Variants in GATAD2A observed in about 807,000 individuals in gnomAD.
GATAD2A encodes transcriptional repressor p66-alpha.
A neutral mutation model predicts 68.5 loss-of-function variants in GATAD2A; 12 were observed. The observed-to-expected ratio is 0.18, with a 90% CI of 0.11 to 0.28. The LOEUF (loss-of-function observed/expected upper bound fraction) is 0.28. Ranked by LOEUF, GATAD2A falls within the 10% of genes least tolerant of loss-of-function variation. GATAD2A has a pLI of 1.00. For synonymous variants in GATAD2A, 410 were observed against 375.3 expected (o/e 1.09, Z -1.07); for missense variants, 755 against 868.5 (o/e 0.87, Z 1.64).
chr19:19,498,850 T>C (rs2060325101), intron 8 of GATAD2A, 128 bp downstream of exon 8: 3 of 761,038 alleles, frequency 3.9e-6, no homozygotes, highest in Non-Finnish European at 6.4e-6. Context: ...CTGGGTGGGC[T>C]TGGCAGGGAC....
intron 1 of GATAD2A, among the ~76,000 whole-genome samples, chr19:19,434,195 G>A (rs947500246): frequency 6.6e-6 from 1 of 152,146 alleles, no homozygotes. Flanking sequence ...CCTGTGTGTA[G>A]AAACACAGCT....
chr19:19,424,561 G>A (rs1328498880), intron 1 of GATAD2A, among the ~76,000 whole-genome samples: 1 of 151,634 alleles, frequency 6.6e-6, no homozygotes, highest in African/African-American at 2.4e-5. Flanking sequence ...TTGTAGAGAT[G>A]GGGGTCTCTC....
chr19:19,404,775 GTATGCGA>G (rs2050039269), upstream of GATAD2A, among the ~76,000 whole-genome samples: 5 of 152,274 alleles, frequency 3.3e-5, no homozygotes, highest in South Asian at 1.0e-3. Flanking sequence ...ATTTATTAGG[GTATGCGA>G]TAAAGCATGT....
At chr19:19,483,924 G>A (rs2059236519) in intron 2 of GATAD2A, among the ~76,000 whole-genome samples, 1 of 151,690 alleles carries the variant, frequency 6.6e-6, no homozygotes, top group African/African-American at 2.4e-5. Context: ...CACCACACCC[G>A]GCCTAGTTCC....
In GATAD2A at chr19:19,442,383, C is replaced by G. The variant is rs150432754; in HGVS notation, c.-6-22957C>G. Among the ~76,000 whole-genome samples the G allele has an allele frequency of 5.3e-5, 8 of 151,784 alleles. No individual in the cohort carries two copies. The South Asian group carries it at 1.7e-3, about 32-fold the overall frequency. On this transcript the variant is annotated intron_variant, in intron 1 of 11. Transcript: ENST00000683918. ...GCTCACACCTGTAATCCCAGCACTT[C>G]GGGAGGCTGAGGCAGGTGGATCATT...
intron 2 of GATAD2A, among the ~76,000 whole-genome samples, chr19:19,488,080 G>A (rs1288868466): frequency 6.6e-6 from 1 of 152,178 alleles, no homozygotes; most frequent in Non-Finnish European, 1.5e-5. Flanking sequence ...CAAGACTTGG[G>A]GGATCTTGCT....
At chr19:19,423,987 A>G (rs1477909135) in intron 1 of GATAD2A, among the ~76,000 whole-genome samples, 3 of 152,130 alleles carry the variant, frequency 2.0e-5, no homozygotes, top group Non-Finnish European at 4.4e-5. Context: ...TAGTTGCATG[A>G]TCATGGGTCA....
At position 19,487,209 on chromosome 19, in the gene GATAD2A, C is replaced by T. The variant is rs1177213231; in HGVS notation, c.270-5097C>T. Among the ~76,000 whole-genome samples the T allele has an allele frequency of 2.0e-5, 3 of 152,324 alleles. No individual in the cohort carries two copies. The East Asian group carries it at 5.8e-4, about 29-fold the overall frequency. ...TGTGGTATCACCCCAGGGCTGGATACCCCCTTGCCCTTTGTTCATCTGGTC... is the reference window on the plus strand; with the variant it reads ...TGTGGTATCACCCCAGGGCTGGATATCCCCTTGCCCTTTGTTCATCTGGTC... On this transcript the variant is annotated intron_variant, in intron 2 of 11. Transcript: ENST00000683918.
intron 1 of GATAD2A, chr19:19,436,022 T>C (rs2147529696): frequency 4.2e-6 from 2 of 474,016 alleles, no homozygotes; most frequent in East Asian, 6.6e-5. Flanking sequence ...TCAGGAAATC[T>C]GAAATTTTGC....
At chr19:19,500,563 C>T (rs575286035) in intron 8 of GATAD2A, among the ~76,000 whole-genome samples, 19 of 152,366 alleles carry the variant, frequency 1.2e-4, no homozygotes, top group Non-Finnish European at 1.5e-4. Context: ...CATTCTGTCC[C>T]CCAGACAAGG....
At chr19:19,462,128 T>C (rs533145337) in intron 1 of GATAD2A, among the ~76,000 whole-genome samples, 1 of 152,342 alleles carries the variant, frequency 6.6e-6, no homozygotes, top group South Asian at 2.1e-4. Flanking sequence ...CCACTGCTCT[T>C]TGCAGGAGTC....
chr19:19,407,375 A>T (rs1451034257), intron 1 of GATAD2A, among the ~76,000 whole-genome samples: 2 of 152,230 alleles, frequency 1.3e-5, no homozygotes, highest in African/African-American at 4.8e-5. Flanking sequence ...ACTGTGTGCT[A>T]AGCTCCCCTG....
intron 2 of GATAD2A, among the ~76,000 whole-genome samples, chr19:19,479,039 A>T (rs567660178): frequency 6.6e-6 from 1 of 152,332 alleles, no homozygotes; most frequent in South Asian, 2.1e-4. Flanking sequence ...TGTAACTAGC[A>T]TGGAGAAGAG....
At chr19:19,502,199 C>T (rs960255827) in intron 10 of GATAD2A, 132 bp from the exon 11 acceptor site, 2 of 883,780 alleles carry the variant, frequency 2.3e-6, no homozygotes, top group African/African-American at 3.3e-5. Context: ...TACCTGGTCT[C>T]CTGATTTTGG....
chr19:19,431,431 C>T (rs551402968), intron 1 of GATAD2A, among the ~76,000 whole-genome samples: 24 of 151,486 alleles, frequency 1.6e-4, no homozygotes, highest in Admixed American at 1.4e-3. Flanking sequence ...CGCGGTGGCT[C>T]ACACCTGTAA....
chr19:19,484,532 CTTTTTTTTTTTT>C (rs897099165), intron 2 of GATAD2A, among the ~76,000 whole-genome samples: 25 of 86,960 alleles, frequency 2.9e-4, no homozygotes, highest in African/African-American at 4.0e-4. Context: ...TTTTTTTTTT[CTTTTTTTTTTTT>C]TTTTTTGAGA....
At position 19,505,306 on chromosome 19, in the gene GATAD2A, C is replaced by T. The variant is rs543130073; in HGVS notation, c.1775-38C>T. ...GGGCTCCTCCCAGGAGCCCTCCTGA[C>T]GAGGGCCTTCTCAGCTGGTCGCTCT... On this transcript the variant is annotated intron_variant, in intron 11 of 11. Transcript: ENST00000683918. The T allele has an allele frequency of 2.1e-5, 34 of 1,606,278 alleles. No individual in the cohort carries two copies. In the Admixed American group the frequency reaches 2.7e-4, roughly 13 times the overall value.
At chr19:19,456,991 T>C (rs777713781) in intron 1 of GATAD2A, 11 of 500,146 alleles carry the variant, frequency 2.2e-5, no homozygotes, top group Non-Finnish European at 2.8e-5. Context: ...TCCCCATGCT[T>C]CTATTAATTA....
Position 19,503,644 on chromosome 19 carries a change from CTGTGTG to C in GATAD2A, c.1774+1142_1774+1147del, listed in dbSNP as rs58706182. Among the ~76,000 whole-genome samples, 213 of 148,718 alleles carry C rather than the reference CTGTGTG, an allele frequency of 1.4e-3. 2 individuals are homozygous for C. Among genetic ancestry groups the C allele is most frequent in the Middle Eastern group, 3.4e-3 (1 of 292 alleles). On this transcript the variant is annotated intron_variant, in intron 11 of 11. Transcript: ENST00000683918. ...CACGGTGGTGGAAGTCATCTGGAAG[CTGTGTG>C]TGTGTGTGTGTGTGTGTGTGTGTTT...
Sources: gnomAD v4.1 joint callset for allele counts (sites outside exome capture counted in the v4.1 genomes callset) on GRCh38, gnomAD v4.1.1 for gene constraint, MANE v1.5 for transcripts, NCBI Gene and HGNC (gene_info 2026-07-23, HGNC 2026-07-21) for gene names.